PDE8B: variants seen among roughly 807,000 people sequenced by gnomAD.
PDE8B encodes high affinity cAMP-specific and IBMX-insensitive 3',5'-cyclic phosphodiesterase 8B.
Under a neutral mutation model 101.3 loss-of-function variants are expected in PDE8B, and 26 were observed. The observed-to-expected ratio is 0.26, with a 90% CI of 0.19 to 0.36. The LOEUF is 0.36. Among genes scored for constraint, PDE8B ranks in the 10% least tolerant of loss-of-function variants. PDE8B has a pLI of 1.00. For synonymous variants in PDE8B, 424 were observed against 429.3 expected (o/e 0.99, Z 0.15); for missense variants, 810 against 1,163.1 (o/e 0.70, Z 4.42).
At chr5:77,283,437 T>C (rs1340325163) in intron 1 of PDE8B, among the ~76,000 whole-genome samples, 1 of 152,184 alleles carries the variant, frequency 6.6e-6, no homozygotes, top group Non-Finnish European at 1.5e-5. Context: ...TGTAGTATCA[T>C]CCAGAAAAGT....
At chr5:77,368,053 A>G (rs1784460343) in intron 10 of PDE8B, among the ~76,000 whole-genome samples, 3 of 152,240 alleles carry the variant, frequency 2.0e-5, no homozygotes, top group Non-Finnish European at 4.4e-5. Context: ...GTTGGAAAAC[A>G]TTTGATTCCC....
chr5:77,349,423 T>A lies in PDE8B; in HGVS notation c.881T>A (p.Val294Asp). 6.2e-7 allele frequency: 1 copy of A among 1,614,154 alleles called. No individual in the cohort carries two copies. Among genetic ancestry groups the A allele is most frequent in the Non-Finnish European group, 8.5e-7 (1 of 1,180,024 alleles). Residue 294 changes from valine (V) to aspartate (D), a missense_variant, in exon 8 of 22, where the codon GTC becomes GAC. Val to Asp is a radical substitution (Grantham distance 152). Around this residue, in one of 4 missense-constraint regions of PDE8B, gnomAD observed 251 missense variants for 378.8 expected, o/e 0.66. Transcript: ENST00000264917. Reference sequence around the variant, plus strand: ...GTACCAACCTCCCATTAACAGTATGTCAACCCAGCCTTCGAAAGGATGATG... The same window carrying A: ...GTACCAACCTCCCATTAACAGTATGACAACCCAGCCTTCGAAAGGATGATG... The part of the protein sequence containing the change: ...ITSDDHVIQY[V>D]NPAFERMMGY...
chr5:77,235,066 C>T lies in PDE8B; in HGVS notation c.339+23802C>T, dbSNP rs529101436. 1.2e-4 allele frequency among the ~76,000 whole-genome samples: 18 copies of T among 152,212 alleles called. 1 individual carries two copies. Among genetic ancestry groups the T allele is most frequent in the Non-Finnish European group, 1.5e-4 (10 of 68,018 alleles). ...CTGGTCTAAGTACAATTATCATGGC[C>T]GTCATCTCACAGAGCAGCCCCACAG... is the stretch of plus-strand genomic sequence containing the variant. On this transcript the variant is annotated intron_variant, in intron 1 of 21. Transcript: ENST00000264917.
chr5:77,138,036 T>C, the PDE8B span, among the ~76,000 whole-genome samples: 1 of 152,150 alleles, frequency 6.6e-6, no homozygotes, highest in Non-Finnish European at 1.5e-5. Flanking sequence ...TTAAAAGTAA[T>C]ACTTAAAAAA....
intron 1 of PDE8B, among the ~76,000 whole-genome samples, chr5:77,225,880 A>ACACC (rs1554059621): frequency 8.9e-5 from 9 of 100,754 alleles, no homozygotes; most frequent in South Asian, 5.9e-4. Context: ...ACACACACAC[A>ACACC]CCCCACGCAC....
the PDE8B span, among the ~76,000 whole-genome samples, chr5:77,132,208 A>T: frequency 2.2e-4 from 34 of 152,302 alleles, no homozygotes; most frequent in African/African-American, 7.9e-4. Flanking sequence ...TTGATAAAAG[A>T]TTTGCAACCA....
the PDE8B span, chr5:77,119,532 C>T: frequency 6.6e-6 from 1 of 152,146 alleles, no homozygotes; most frequent in Non-Finnish European, 1.5e-5. Context: ...GTGCAGGCGC[C>T]TGTAGTCTCA....
At chr5:77,174,160 C>T in the PDE8B span, among the ~76,000 whole-genome samples, 2 of 152,172 alleles carry the variant, frequency 1.3e-5, no homozygotes, top group African/African-American at 4.8e-5. Context: ...TTAGCTGTCA[C>T]CCAAATACTT....
chr5:77,251,241 A>G (rs1757996507), intron 1 of PDE8B, among the ~76,000 whole-genome samples: 1 of 152,326 alleles, frequency 6.6e-6, no homozygotes, highest in South Asian at 2.1e-4. Flanking sequence ...AGGATGATCC[A>G]TTTGAAGGTC....
intron 10 of PDE8B, among the ~76,000 whole-genome samples, chr5:77,393,018 A>G (rs565013707): frequency 6.6e-6 from 1 of 152,332 alleles, no homozygotes; most frequent in Admixed American, 6.5e-5. Flanking sequence ...GAACATTAAA[A>G]CTTGGTTCTT....
intron 1 of PDE8B, among the ~76,000 whole-genome samples, chr5:77,227,910 T>C (rs1257664158): frequency 2.6e-5 from 4 of 152,162 alleles, no homozygotes; most frequent in African/African-American, 9.7e-5. Flanking sequence ...CAAGCAGATA[T>C]TTACTTCTTT....
At chr5:77,189,290 G>A in the PDE8B span, among the ~76,000 whole-genome samples, 1 of 152,186 alleles carries the variant, frequency 6.6e-6, no homozygotes, top group Non-Finnish European at 1.5e-5. Context: ...ATCTTCTCTT[G>A]AGGCTTACCT....
chr5:77,201,702 C>T, the PDE8B span, among the ~76,000 whole-genome samples: 1 of 152,174 alleles, frequency 6.6e-6, no homozygotes. Context: ...AATCAGGCAC[C>T]AGATCCTAAG....
rs1416286324 is a variant in PDE8B, at chr5:77,344,932, G to A, written c.876+1G>A. The A allele has an allele frequency of 1.3e-6, 2 of 1,598,808 alleles. No individual in the cohort carries two copies. The highest frequency in any genetic ancestry group is 1.7e-6 in the Non-Finnish European group (2 of 1,166,068). On this transcript the variant is annotated splice_donor_variant, in intron 7 of 21. Transcript: ENST00000264917. LOFTEE classifies it high-confidence loss of function. The stretch of plus-strand genomic sequence containing the variant: ...AACAAGCGATGACCACGTGATTCAG[G>A]TATGGAAAGAAACCACCTCTATCAT...
chr5:77,218,567 A>C (rs1750332275), intron 1 of PDE8B, among the ~76,000 whole-genome samples: 1 of 152,218 alleles, frequency 6.6e-6, no homozygotes, highest in Admixed American at 6.5e-5. Context: ...AGGATGATAA[A>C]CAGGCAGAGG....
intron 3 of PDE8B, 35 bp from the exon 4 acceptor site, chr5:77,328,963 A>G (rs1168252561): frequency 4.5e-6 from 7 of 1,568,760 alleles, no homozygotes; most frequent in Admixed American, 3.3e-5. Context: ...CAAAGCCCAG[A>G]TCACCTTGTT....
At chr5:77,403,833 T>C (rs1051688367) in intron 11 of PDE8B, among the ~76,000 whole-genome samples, 30 of 152,100 alleles carry the variant, frequency 2.0e-4, no homozygotes, top group Non-Finnish European at 4.0e-4. Flanking sequence ...CTTTTTTTTT[T>C]TGGAGACAGA....
chr5:77,210,413 G>A (rs558417600), upstream of PDE8B: 734 of 162,446 alleles, frequency 4.5e-3, 6 homozygotes, highest in African/African-American at 0.017. The surrounding 1 kb of genome is among the most constrained non-coding windows in gnomAD (Gnocchi z 4.9). Flanking sequence ...GGCTGCGGCC[G>A]CGGAGCCGGG....
At chr5:77,353,810 C>A (rs1781593032) in intron 10 of PDE8B, among the ~76,000 whole-genome samples, 1 of 152,130 alleles carries the variant, frequency 6.6e-6, no homozygotes, top group Non-Finnish European at 1.5e-5. Flanking sequence ...GCAATTTTTT[C>A]TTACCCTTAC....
Sources: gnomAD v4.1 joint callset for allele counts (sites outside exome capture counted in the v4.1 genomes callset) on GRCh38, gnomAD v4.1.1 for gene constraint, gnomAD v4.1.1 regional missense constraint, Gnocchi (gnomAD v3.1) non-coding constraint, MANE v1.5 for transcripts, NCBI Gene and HGNC (gene_info 2026-07-23, HGNC 2026-07-21) for gene names.